The following KCNE2 variants were observed in gnomAD, a reference collection of about 807,000 sequenced individuals.
The protein encoded by KCNE2 is potassium voltage-gated channel subfamily E regulatory subunit 2.
Under a neutral mutation model 4.5 loss-of-function variants are expected in KCNE2, and 4 were observed. The ratio of observed to expected loss-of-function variants is 0.89; its 90% CI spans 0.44 to 2.03. The LOEUF is 2.03. Among genes scored for constraint, KCNE2 ranks in the 30% most tolerant of loss-of-function variants. The pLI is 0.03. For missense variants in KCNE2, 137 were observed against 151.4 expected (o/e 0.90, Z 0.50); for synonymous variants, 57 against 55.9 (o/e 1.02, Z -0.09).
intron 1 of KCNE2, among the ~76,000 whole-genome samples, chr21:34,368,222 CACACACAA>C (rs1979396646): frequency 1.2e-5 from 1 of 82,722 alleles, no homozygotes; most frequent in African/African-American, 5.4e-5. Context: ...CACACACACA[CACACACAA>C]TATATATATA....
chr21:34,366,745 C>T lies in KCNE2; in HGVS notation c.-13+2594C>T, dbSNP rs1426315378. 7.3e-5 allele frequency among the ~76,000 whole-genome samples: 11 copies of T among 150,430 alleles called. No homozygotes were observed. The East Asian group carries it at 1.0e-3, about 14-fold the overall frequency. ...CTGTAATCCCAGCACTTTGGGAGGCCAAGGTGGGCGGATCACGAGGTCAGG... is the reference window on the plus strand; with the variant it reads ...CTGTAATCCCAGCACTTTGGGAGGCTAAGGTGGGCGGATCACGAGGTCAGG... On this transcript the variant is annotated intron_variant, in intron 1 of 1. Transcript: ENST00000290310.
At chr21:34,368,481 T>C (rs1979442480) in intron 1 of KCNE2, among the ~76,000 whole-genome samples, 1 of 151,716 alleles carries the variant, frequency 6.6e-6, no homozygotes, top group African/African-American at 2.4e-5. Flanking sequence ...TTGCCTGTAG[T>C]CCCAGCTACT....
intron 1 of KCNE2, among the ~76,000 whole-genome samples, chr21:34,367,575 C>G (rs1462981240): frequency 6.6e-6 from 1 of 152,152 alleles, no homozygotes; most frequent in South Asian, 2.1e-4. Flanking sequence ...GAACTTAAAA[C>G]ATCAGACAGA....
rs1979573461 is a variant in KCNE2, at chr21:34,371,111, A to G, written c.*261A>G. ...GCAAGTGAATGTCATTTTAATCAAT[A>G]TCAATGATGAAAATAAAGCCAAATT... On this transcript the variant is annotated 3_prime_UTR_variant, in exon 2 of 2. Coordinates refer to ENST00000290310, the MANE Select transcript of KCNE2 (RefSeq NM_172201.2). 1.9e-6 allele frequency: 1 copy of G among 524,006 alleles called. No homozygotes were observed. Among genetic ancestry groups the G allele is most frequent in the South Asian group, 2.4e-5 (1 of 41,794 alleles). 32.5% of individuals were successfully genotyped at this position (524,006 alleles called of 1,614,324 possible).
rs1979563342 is a variant in KCNE2, at chr21:34,370,876, A to T, written c.*26A>T. Reference sequence around the variant, plus strand: ...TAAGGGAGAAAGGCACCAAGCTAACATCTGACGTCCAGACATGAAGAGATG... The same window carrying T: ...TAAGGGAGAAAGGCACCAAGCTAACTTCTGACGTCCAGACATGAAGAGATG... On this transcript the variant is annotated 3_prime_UTR_variant, in exon 2 of 2. Coordinates refer to ENST00000290310, the MANE Select transcript of KCNE2 (RefSeq NM_172201.2). The T allele has an allele frequency of 6.2e-7, 1 of 1,612,888 alleles. No homozygotes were observed. The highest frequency in any genetic ancestry group is 8.5e-7 in the Non-Finnish European group (1 of 1,180,036).
chr21:34,368,450 A>G (rs1272423161), intron 1 of KCNE2, among the ~76,000 whole-genome samples: 146 of 151,564 alleles, frequency 9.6e-4, no homozygotes, highest in African/African-American at 3.3e-3. Context: ...AATACAAAAC[A>G]TTAGCCAGGC....
At position 34,370,748 on chromosome 21, in the gene KCNE2, G is replaced by A. The variant is rs1979550666; in HGVS notation, c.270G>A (p.Glu90=). ...ACCCCTACCACCAGTACATTGTAGAGGACTGGCAGGAAAAGTACAAGAGCC... is the reference window on the plus strand; with the variant it reads ...ACCCCTACCACCAGTACATTGTAGAAGACTGGCAGGAAAAGTACAAGAGCC... ...SNDPYHQYIV[E]DWQEKYKSQI... Residue 90 remains glutamate (E), a synonymous_variant, in exon 2 of 2, where the codon GAG becomes GAA. Coordinates refer to ENST00000290310, the MANE Select transcript of KCNE2 (RefSeq NM_172201.2). 6.2e-7 allele frequency: 1 copy of A among 1,614,164 alleles called. No individual in the cohort carries two copies. The highest frequency in any genetic ancestry group is 1.1e-5 in the South Asian group (1 of 91,082).
In KCNE2 at chr21:34,370,995, G is replaced by C; in HGVS notation, c.*145G>C. On this transcript the variant is annotated 3_prime_UTR_variant, in exon 2 of 2. Coordinates refer to ENST00000290310, the MANE Select transcript of KCNE2 (RefSeq NM_172201.2). ...AATTTTCATGGAGATTATGTGGTTGGCCAATAAAGATAGATGACATTTCAA... is the reference window on the plus strand; with the variant it reads ...AATTTTCATGGAGATTATGTGGTTGCCCAATAAAGATAGATGACATTTCAA... 2.0e-6 allele frequency: 2 copies of C among 1,011,450 alleles called. No individual in the cohort carries two copies. Among genetic ancestry groups the C allele is most frequent in the Non-Finnish European group, 3.0e-6 (2 of 664,318 alleles). The allele number at this position is 1,011,450 out of a possible 1,614,324, so 62.7% of individuals were successfully genotyped here.
chr21:34,368,232 A>ACACACAC (rs1322748846), intron 1 of KCNE2, among the ~76,000 whole-genome samples: 4 of 36,464 alleles, frequency 1.1e-4, no homozygotes, highest in African/African-American at 2.9e-4. Flanking sequence ...CACACACAAT[A>ACACACAC]TATATATATA....
intron 1 of KCNE2, among the ~76,000 whole-genome samples, chr21:34,366,974 C>CAAAAAAAA (rs747133749): frequency 1.3e-4 from 2 of 14,816 alleles, no homozygotes; most frequent in Non-Finnish European, 2.7e-4. Context: ...GACTCCATCT[C>CAAAAAAAA]AAAAAAAAAA....
At chr21:34,364,752 G>A (rs1281551165) in intron 1 of KCNE2, among the ~76,000 whole-genome samples, 4 of 148,966 alleles carry the variant, frequency 2.7e-5, no homozygotes, top group African/African-American at 9.8e-5. Flanking sequence ...CAGCCTGGGC[G>A]ACAGAGTGAG....
chr21:34,368,463 A>G (rs1339673205), intron 1 of KCNE2, among the ~76,000 whole-genome samples: 108 of 151,506 alleles, frequency 7.1e-4, no homozygotes, highest in African/African-American at 2.4e-3. Flanking sequence ...AGCCAGGCGT[A>G]GTGGCGGTTG....
chr21:34,369,005 A>G (rs1042210379), intron 1 of KCNE2, among the ~76,000 whole-genome samples: 5 of 152,112 alleles, frequency 3.3e-5, no homozygotes, highest in African/African-American at 1.2e-4. Flanking sequence ...TAGCAGGTGG[A>G]AGAGAAAGGC....
rs1370394357 is a variant in KCNE2, at chr21:34,368,267, T to TATATATATTATA, written c.-12-2200_-12-2199insATATATATTATA. Among the ~76,000 whole-genome samples the TATATATATTATA allele has an allele frequency of 4.2e-5, 3 of 71,072 alleles. No individual in the cohort carries two copies. The South Asian group carries it at 1.7e-3, about 41-fold the overall frequency. The allele number at this position is 71,072 out of a possible 152,430, so 46.6% of individuals were successfully genotyped here. A position where few individuals can be genotyped will look rare whatever the true frequency, so the allele number is the denominator to read the frequency against. On this transcript the variant is annotated intron_variant, in intron 1 of 1. Coordinates refer to ENST00000290310, the MANE Select transcript of KCNE2 (RefSeq NM_172201.2). ...ATATATATATATATATATATGTATG[T>TATATATATTATA]TATATATATGTATGTTATATATATG...
rs1392259151 is a variant in KCNE2 at position 34,370,770 on chromosome 21, A to C, written c.292A>C (p.Ser98Arg). 6.2e-7 allele frequency: 1 copy of C among 1,614,090 alleles called. No homozygotes were observed. The highest frequency in any genetic ancestry group is 1.3e-5 in the African/African-American group (1 of 74,920). The part of the protein sequence containing the change: ...IVEDWQEKYK[S>R]QILNLEESKA... ...AGAGGACTGGCAGGAAAAGTACAAG[A>C]GCCAAATCTTGAATCTAGAAGAATC... Residue 98 changes from serine (S) to arginine (R), a missense_variant, in exon 2 of 2, where the codon AGC (serine) becomes CGC (arginine). Ser to Arg is a moderately radical substitution (Grantham distance 110). Coordinates refer to ENST00000290310, the MANE Select transcript of KCNE2 (RefSeq NM_172201.2).
chr21:34,370,424 G>GT, intron 1 of KCNE2, 43 bp from the exon 2 acceptor site: 1 of 1,613,602 alleles, frequency 6.2e-7, no homozygotes, highest in East Asian at 2.2e-5. Flanking sequence ...GAAAAGATCC[G>GT]TTTTCCTAAC....
Position 34,370,870 on chromosome 21 carries a change from G to C in KCNE2, c.*20G>C. 1 of 1,613,192 alleles carries C rather than the reference G, an allele frequency of 6.2e-7. No individual in the cohort carries two copies. The highest frequency in any genetic ancestry group is 8.5e-7 in the Non-Finnish European group (1 of 1,180,032). On this transcript the variant is annotated 3_prime_UTR_variant, in exon 2 of 2. Coordinates refer to ENST00000290310, the MANE Select transcript of KCNE2 (RefSeq NM_172201.2). ...CCCTGATAAGGGAGAAAGGCACCAA[G>C]CTAACATCTGACGTCCAGACATGAA...
At chr21:34,365,887 T>G (rs974357118) in intron 1 of KCNE2, among the ~76,000 whole-genome samples, 1 of 152,258 alleles carries the variant, frequency 6.6e-6, no homozygotes, top group Non-Finnish European at 1.5e-5. Context: ...GGAGCAGGCA[T>G]GGGCCACTCG....
At chr21:34,370,443 C>T (rs1979525445) in intron 1 of KCNE2, 24 bp from the exon 2 acceptor site, 1 of 1,614,152 alleles carries the variant, frequency 6.2e-7, no homozygotes, top group Non-Finnish European at 8.5e-7. Flanking sequence ...ACCTTGTTCG[C>T]CTATTTTATT....
Sources: gnomAD v4.1 joint callset for allele counts (sites outside exome capture counted in the v4.1 genomes callset) on GRCh38, gnomAD v4.1.1 for gene constraint, MANE v1.5 for transcripts, NCBI Gene and HGNC (gene_info 2026-07-23, HGNC 2026-07-21) for gene names.